The following KCTD14 variants were observed in gnomAD, a reference collection of about 807,000 sequenced individuals.
The protein encoded by KCTD14 is BTB/POZ domain-containing protein KCTD14.
KCTD14 carries 7 observed loss-of-function variants against 5.9 expected under a neutral mutation model. The observed-to-expected ratio is 1.19, with a 90% CI of 0.68 to 2.23. The LOEUF is 2.23. Among genes scored for constraint, KCTD14 ranks in the 30% most tolerant of loss-of-function variants. The pLI, the probability that KCTD14 is intolerant of heterozygous loss-of-function variation, is 0.00. For missense variants in KCTD14, 342 were observed against 332.2 expected (o/e 1.03, Z -0.23); for synonymous variants, 140 against 133.1 (o/e 1.05, Z -0.36).
intron 1 of KCTD14, among the ~76,000 whole-genome samples, chr11:78,019,768 A>C (rs1000762983): frequency 6.6e-6 from 1 of 152,224 alleles, no homozygotes; most frequent in Non-Finnish European, 1.5e-5. Flanking sequence ...GTGCAAATGC[A>C]AGTTAAGTTT....
chr11:78,019,780 G>C (rs1031805416), intron 1 of KCTD14, among the ~76,000 whole-genome samples: 2 of 152,324 alleles, frequency 1.3e-5, no homozygotes, highest in Admixed American at 6.5e-5. Flanking sequence ...GTTAAGTTTG[G>C]TTGTTCAACA....
upstream of KCTD14, among the ~76,000 whole-genome samples, chr11:78,027,679 T>C (rs1196527525): frequency 6.6e-6 from 1 of 151,966 alleles, no homozygotes; most frequent in Non-Finnish European, 1.5e-5. Flanking sequence ...TCTCTACTCT[T>C]AAAAAATAAA....
chr11:78,029,259 G>T (rs911855344), intron 2 of KCTD14, among the ~76,000 whole-genome samples: 2 of 151,764 alleles, frequency 1.3e-5, no homozygotes, highest in African/African-American at 4.8e-5. Flanking sequence ...TCCTGAAGTC[G>T]CTGACACGCC....
chr11:78,044,418 A>G (rs551848797), intron 1 of KCTD14, among the ~76,000 whole-genome samples: 23 of 152,288 alleles, frequency 1.5e-4, no homozygotes, highest in Non-Finnish European at 2.5e-4. Context: ...GGACTCCGGC[A>G]GAATGAGACT....
intron 1 of KCTD14, among the ~76,000 whole-genome samples, chr11:78,044,293 G>A (rs1464372475): frequency 6.6e-6 from 1 of 152,160 alleles, no homozygotes; most frequent in African/African-American, 2.4e-5. Flanking sequence ...TGGAGGGGCT[G>A]CTAGGAAGGG....
chr11:78,033,914 T>TATATATATATATATATATAC (rs1857714349), intron 2 of KCTD14, among the ~76,000 whole-genome samples: 4 of 145,182 alleles, frequency 2.8e-5, no homozygotes, highest in African/African-American at 1.0e-4. Context: ...TATATATATA[T>TATATATATATATATATATAC]ACACACATTA....
At chr11:78,030,980 T>A (rs1457424208) in intron 2 of KCTD14, among the ~76,000 whole-genome samples, 8 of 151,968 alleles carry the variant, frequency 5.3e-5, no homozygotes, top group Non-Finnish European at 1.2e-4. Flanking sequence ...TTGATCTGAC[T>A]GTGCCAGGCA....
intron 1 of KCTD14, among the ~76,000 whole-genome samples, chr11:78,019,309 G>A (rs1441666022): frequency 4.6e-5 from 7 of 151,878 alleles, no homozygotes; most frequent in Non-Finnish European, 8.8e-5. Flanking sequence ...CCACAGCCCC[G>A]GCCAGAAATG....
intron 1 of KCTD14, among the ~76,000 whole-genome samples, chr11:78,042,634 A>ATTG (rs1565319147): frequency 6.6e-6 from 1 of 152,212 alleles, no homozygotes; most frequent in African/African-American, 2.4e-5. Flanking sequence ...AAGCAGCATC[A>ATTG]TTGTCTGGGG....
At chr11:78,043,554 C>A (rs573249510) in intron 1 of KCTD14, among the ~76,000 whole-genome samples, 15 of 152,290 alleles carry the variant, frequency 9.8e-5, no homozygotes, top group Non-Finnish European at 1.8e-4. Flanking sequence ...AGAGGGAATG[C>A]CAACAGAATC....
At chr11:78,042,334 C>A (rs1352173815) in intron 1 of KCTD14, among the ~76,000 whole-genome samples, 3 of 152,102 alleles carry the variant, frequency 2.0e-5, no homozygotes, top group Non-Finnish European at 4.4e-5. Flanking sequence ...ATGGTGAAAA[C>A]CCATCTCTAT....
intron 1 of KCTD14, among the ~76,000 whole-genome samples, chr11:78,019,528 G>A (rs1857258733): frequency 6.6e-6 from 1 of 152,004 alleles, no homozygotes; most frequent in Non-Finnish European, 1.5e-5. Flanking sequence ...TGTTGCCCAG[G>A]CTGGTCTTGA....
chr11:78,031,365 G>A (rs1191071697), intron 2 of KCTD14, among the ~76,000 whole-genome samples: 1 of 151,646 alleles, frequency 6.6e-6, no homozygotes, highest in East Asian at 1.9e-4. Context: ...TTATTTATTT[G>A]TTTATTTTTT....
chr11:78,034,742 A>G (rs994498937), intron 2 of KCTD14, among the ~76,000 whole-genome samples: 1 of 152,070 alleles, frequency 6.6e-6, no homozygotes, highest in African/African-American at 2.4e-5. Context: ...ACTATAGCCA[A>G]GCAGGGGACC....
chr11:78,022,101 G>A (rs919012342), intron 1 of KCTD14, among the ~76,000 whole-genome samples: 3 of 152,046 alleles, frequency 2.0e-5, no homozygotes, highest in African/African-American at 7.2e-5. Flanking sequence ...GCAATTCCCT[G>A]TTTCTTCATT....
chr11:78,046,039 C>T (rs1858130069), intron 1 of KCTD14: 2 of 951,000 alleles, frequency 2.1e-6, no homozygotes, highest in Non-Finnish European at 2.5e-6. Context: ...ATGGCCTGCA[C>T]TTAGACACAA....
intron 1 of KCTD14, among the ~76,000 whole-genome samples, chr11:78,044,877 G>A (rs1858092145): frequency 6.6e-6 from 1 of 152,170 alleles, no homozygotes; most frequent in Admixed American, 6.5e-5. Context: ...CCGGGGTTTT[G>A]CGCCTCCCCT....
chr11:78,034,457 T>TTC (rs139232522), intron 2 of KCTD14, among the ~76,000 whole-genome samples: 3,175 of 148,870 alleles, frequency 0.021, 92 homozygotes, highest in African/African-American at 0.068. Context: ...GTCTTAATCT[T>TTC]TCTCTCTCTC....
chr11:78,029,850 C>T lies in KCTD14; in HGVS notation c.-1+8814G>A, dbSNP rs1043038555. ...AGGCTGGAGTGCAGTAGCGCAATCT[C>T]GGCTCACTGCAAGCTCCACCTCCCA... On this transcript the variant is annotated intron_variant, in intron 2 of 2. Coordinates refer to the KCTD14 transcript ENST00000533144. 3.7e-4 allele frequency among the ~76,000 whole-genome samples: 56 copies of T among 151,188 alleles called. 1 individual carries two copies. The highest frequency in any genetic ancestry group is 1.0e-4 in the Non-Finnish European group (7 of 67,900).
Sources: gnomAD v4.1 joint callset for allele counts (sites outside exome capture counted in the v4.1 genomes callset) on GRCh38, gnomAD v4.1.1 for gene constraint, MANE v1.5 for transcripts, NCBI Gene and HGNC (gene_info 2026-07-23, HGNC 2026-07-21) for gene names.